The following NAV2 variants were observed in gnomAD, a reference collection of about 807,000 sequenced individuals.
The protein encoded by NAV2 is helicase, APC down-regulated 1.
In NAV2, 54 loss-of-function variants were observed where a neutral mutation model predicts 223.2. The observed-to-expected ratio is 0.24, with a 90% CI of 0.19 to 0.30. The LOEUF is 0.30. Among genes scored for constraint, NAV2 ranks in the 10% least tolerant of loss-of-function variants. The probability of loss-of-function intolerance (pLI) is 1.00; values close to 1 mark genes in which losing one functional copy is unlikely to be tolerated. For missense variants in NAV2, 2,806 were observed against 3,147.5 expected (o/e 0.89, Z 2.60); for synonymous variants, 1,279 against 1,239.3 (o/e 1.03, Z -0.67).
chr11:19,490,442 G>A (rs1270005429), intron 1 of NAV2, among the ~76,000 whole-genome samples: 3 of 152,170 alleles, frequency 2.0e-5, no homozygotes, highest in Admixed American at 6.5e-5. Context: ...TAAATCCTTT[G>A]TTGGAATTTC....
At chr11:20,006,755 G>T (rs1259140863) in intron 11 of NAV2, among the ~76,000 whole-genome samples, 2 of 152,110 alleles carry the variant, frequency 1.3e-5, no homozygotes, top group African/African-American at 4.8e-5. Flanking sequence ...AAGTGGCTGA[G>T]ATGGGAGGAT....
intron 1 of NAV2, among the ~76,000 whole-genome samples, chr11:19,786,837 G>A (rs1033477137): frequency 1.3e-5 from 2 of 152,168 alleles, no homozygotes; most frequent in African/African-American, 2.4e-5. Flanking sequence ...CAAGAACTGT[G>A]TGTTAAGGTG....
intron 11 of NAV2, among the ~76,000 whole-genome samples, chr11:20,020,036 G>T (rs2054363204): frequency 6.6e-6 from 1 of 151,784 alleles, no homozygotes; most frequent in African/African-American, 2.4e-5. Flanking sequence ...TGAGATTAGT[G>T]ATATATTTTT....
At chr11:19,881,140 C>A (rs1288363447) in intron 5 of NAV2, among the ~76,000 whole-genome samples, 1 of 152,214 alleles carries the variant, frequency 6.6e-6, no homozygotes, top group Non-Finnish European at 1.5e-5. Context: ...ACAGCTGCTG[C>A]CTTTTAGACA....
At chr11:19,559,067 C>T (rs11828951) in intron 1 of NAV2, among the ~76,000 whole-genome samples, 14,280 of 152,274 alleles carry the variant, frequency 0.094, 2,245 homozygotes, top group African/African-American at 0.33. Flanking sequence ...AAGAGAGACA[C>T]AGGCCTCTCC....
intron 1 of NAV2, among the ~76,000 whole-genome samples, chr11:19,374,224 C>T (rs1297830326): frequency 6.6e-6 from 1 of 151,970 alleles, no homozygotes; most frequent in African/African-American, 2.4e-5. Flanking sequence ...ACTTGGCACC[C>T]ATACTTCTTT....
chr11:19,483,159 G>T (rs1163199002), intron 1 of NAV2, among the ~76,000 whole-genome samples: 1 of 152,220 alleles, frequency 6.6e-6, no homozygotes, highest in African/African-American at 2.4e-5. Flanking sequence ...TTAGTATATA[G>T]TAGCCCCCCA....
At chr11:19,752,080 C>T (rs2152502655) in intron 1 of NAV2, among the ~76,000 whole-genome samples, 1 of 152,300 alleles carries the variant, frequency 6.6e-6, no homozygotes, top group East Asian at 1.9e-4. Flanking sequence ...TGCTGATTTG[C>T]AGACAGATAA....
intron 1 of NAV2, among the ~76,000 whole-genome samples, chr11:19,776,577 G>GGGGTGTGTGTGTGTGT (rs371411356): frequency 8.6e-6 from 1 of 116,122 alleles, no homozygotes; most frequent in African/African-American, 3.8e-5. Flanking sequence ...CTGGGGCAGG[G>GGGGTGTGTGTGTGTGT]GTGTGTGTGT....
At chr11:19,832,727 A>G (rs1441117339) in intron 2 of NAV2, 126 bp downstream of exon 2, 1 of 761,006 alleles carries the variant, frequency 1.3e-6, no homozygotes, top group East Asian at 2.5e-5. Context: ...TTGACAATTT[A>G]TTTGATTTGT....
upstream of NAV2, chr11:19,712,729 C>T (rs1206169553): frequency 4.6e-5 from 7 of 152,178 alleles, no homozygotes; most frequent in East Asian, 1.2e-3. Context: ...AGGCCACACC[C>T]TCTTTGCAGT....
chr11:19,933,937 C>T lies in NAV2; in HGVS notation c.1693C>T (p.Pro565Ser). 2 of 1,594,742 alleles carry T rather than the reference C, an allele frequency of 1.3e-6. No individual in the cohort carries two copies. Among genetic ancestry groups the T allele is most frequent in the Non-Finnish European group, 1.7e-6 (2 of 1,172,670 alleles). Reference protein sequence around the residue: ...EPMAPSHSGIPKPGMKSMPGK... With the variant: ...EPMAPSHSGISKPGMKSMPGK... ...CATGGCCCCTTCCCACAGTGGAATA[C>T]CAAAACCAGGAATGAAAAGCATGCC... The change falls in exon 7 of 38, where the codon CCA becomes TCA. Residue 565 changes from proline to serine, a missense_variant. Pro to Ser is a moderately conservative substitution (Grantham distance 74). This residue lies in a region of NAV2 where 1,167 missense variants were observed against 1,180.5 expected (regional missense o/e 0.99). Coordinates refer to ENST00000349880, the MANE Select transcript of NAV2 (RefSeq NM_145117.5). This position sits in a 1 kb window ranked among gnomAD's most constrained non-coding sequence, Gnocchi z 4.3.
intron 1 of NAV2, among the ~76,000 whole-genome samples, chr11:19,658,958 A>G (rs931172474): frequency 9.2e-5 from 14 of 152,224 alleles, no homozygotes; most frequent in African/African-American, 3.4e-4. Context: ...AAACGAAATC[A>G]GCAAAACATT....
intron 1 of NAV2, among the ~76,000 whole-genome samples, chr11:19,477,009 C>T (rs1318978684): frequency 6.6e-6 from 1 of 152,200 alleles, no homozygotes; most frequent in Non-Finnish European, 1.5e-5. Context: ...GGGGTTATCA[C>T]AGCCCCACCC....
At chr11:20,033,772 C>T (rs573942226) in intron 11 of NAV2, among the ~76,000 whole-genome samples, 17 of 152,252 alleles carry the variant, frequency 1.1e-4, no homozygotes, top group African/African-American at 4.1e-4. Flanking sequence ...TCAAGATGTA[C>T]AGGCAGGTAT....
At chr11:19,783,207 G>A (rs534188367) in intron 1 of NAV2, among the ~76,000 whole-genome samples, 7 of 152,270 alleles carry the variant, frequency 4.6e-5, no homozygotes, top group East Asian at 1.9e-4. Flanking sequence ...CATTGTTCCC[G>A]ATGTGAAGTT....
intron 1 of NAV2, among the ~76,000 whole-genome samples, chr11:19,703,443 G>C (rs77008873): frequency 1.1e-3 from 166 of 152,334 alleles, no homozygotes; most frequent in African/African-American, 3.9e-3. Context: ...TGAGAGAGCC[G>C]TGGGGAGGTG....
At chr11:19,600,705 G>A (rs2046329823) in intron 1 of NAV2, among the ~76,000 whole-genome samples, 1 of 152,188 alleles carries the variant, frequency 6.6e-6, no homozygotes, top group Non-Finnish European at 1.5e-5. Context: ...TAACTACTTT[G>A]TAGTATTGTT....
At chr11:19,782,264 G>C (rs1307263178) in intron 1 of NAV2, among the ~76,000 whole-genome samples, 2 of 152,166 alleles carry the variant, frequency 1.3e-5, no homozygotes, top group Non-Finnish European at 2.9e-5. Flanking sequence ...GTACTTTCCT[G>C]AATTGAAACC....
Sources: gnomAD v4.1 joint callset for allele counts (sites outside exome capture counted in the v4.1 genomes callset) on GRCh38, gnomAD v4.1.1 for gene constraint, gnomAD v4.1.1 regional missense constraint, Gnocchi (gnomAD v3.1) non-coding constraint, MANE v1.5 for transcripts, NCBI Gene and HGNC (gene_info 2026-07-23, HGNC 2026-07-21) for gene names.